The following FAM149B1 variants were observed in gnomAD, a reference collection of about 807,000 sequenced individuals.
FAM149B1 encodes family with sequence similarity 149 member B1.
A neutral mutation model predicts 75.3 loss-of-function variants in FAM149B1; 56 were observed. The ratio of observed to expected loss-of-function variants is 0.74; its 90% CI spans 0.60 to 0.93. FAM149B1 has a LOEUF of 0.93. FAM149B1 is among the 40% of genes least tolerant of loss of function. The pLI, the probability that FAM149B1 is intolerant of heterozygous loss-of-function variation, is 0.00. For synonymous variants in FAM149B1, 259 were observed against 256.1 expected (o/e 1.01, Z -0.11); for missense variants, 639 against 708.4 (o/e 0.90, Z 1.11).
chr10:73,209,561 A>G (rs2043143144), intron 6 of FAM149B1, among the ~76,000 whole-genome samples: 1 of 152,246 alleles, frequency 6.6e-6, no homozygotes, highest in South Asian at 2.1e-4. Flanking sequence ...TATTCTAACT[A>G]TATTCTAACA....
chr10:73,189,241 T>A (rs1213867961), intron 3 of FAM149B1, among the ~76,000 whole-genome samples: 2 of 152,136 alleles, frequency 1.3e-5, no homozygotes, highest in Non-Finnish European at 2.9e-5. Context: ...AGACTGACAA[T>A]ACCTAGTACT....
At chr10:73,196,261 T>C (rs1346711529) in intron 5 of FAM149B1, among the ~76,000 whole-genome samples, 1 of 152,106 alleles carries the variant, frequency 6.6e-6, no homozygotes, top group African/African-American at 2.4e-5. Flanking sequence ...TACAGTAGTA[T>C]TAAAGAACCA....
chr10:73,231,797 G>C (rs115110232), intron 9 of FAM149B1, among the ~76,000 whole-genome samples: 156 of 152,204 alleles, frequency 1.0e-3, no homozygotes, highest in African/African-American at 3.6e-3. Context: ...GTCGGATCTA[G>C]AGACCAATCT....
intron 7 of FAM149B1, among the ~76,000 whole-genome samples, chr10:73,216,042 T>A (rs1564704693): frequency 6.6e-6 from 1 of 152,236 alleles, no homozygotes; most frequent in African/African-American, 2.4e-5. Context: ...TGCTCTTTCT[T>A]TAGGTCTAAT....
At chr10:73,238,256 A>C (rs2043867089) in intron 12 of FAM149B1, among the ~76,000 whole-genome samples, 1 of 152,150 alleles carries the variant, frequency 6.6e-6, no homozygotes, top group Non-Finnish European at 1.5e-5. Context: ...CTAAGGCAGG[A>C]GAATTGCTTG....
At chr10:73,240,443 T>C (rs1313062696) in intron 13 of FAM149B1, among the ~76,000 whole-genome samples, 1 of 152,202 alleles carries the variant, frequency 6.6e-6, no homozygotes, top group Admixed American at 6.5e-5. Flanking sequence ...CTGGGCGTGG[T>C]GGCTCATGCC....
chr10:73,173,505 A>G (rs928529979), intron 1 of FAM149B1, among the ~76,000 whole-genome samples: 2 of 152,212 alleles, frequency 1.3e-5, no homozygotes, highest in African/African-American at 4.8e-5. Context: ...TCTTGTCTCC[A>G]TCCCTGGCAA....
At chr10:73,210,198 A>G in intron 6 of FAM149B1, 53 bp from the exon 7 acceptor site, 1 of 1,281,948 alleles carries the variant, frequency 7.8e-7, no homozygotes, top group Non-Finnish European at 1.1e-6. Flanking sequence ...AATTTTAGAA[A>G]GGCAGCCTTC....
In FAM149B1 at chr10:73,239,348, T is replaced by C; in HGVS notation, c.1639T>C (p.Tyr547His). The change falls in exon 13 of 14, where the codon TAT becomes CAT. Residue 547 changes from tyrosine (Y) to histidine (H), a missense_variant. Physicochemically the swap from Tyr to His is moderately conservative, Grantham distance 83 (BLOSUM62 2). Transcript: ENST00000242505. ...GTATCGTCGCTCATGTGCAGTTGAG[T>C]ATCCTCATCAGGCCCGACCTGGCAG... ...TQYRRSCAVE[Y>H]PHQARPGRGS... 1 of 1,551,702 alleles carries C rather than the reference T, an allele frequency of 6.4e-7. No homozygotes were observed.
At chr10:73,225,911 C>T (rs2043531381) in intron 7 of FAM149B1, among the ~76,000 whole-genome samples, 1 of 152,146 alleles carries the variant, frequency 6.6e-6, no homozygotes, top group African/African-American at 2.4e-5. Context: ...GCTGTACAGG[C>T]CTGTGCCTAG....
At chr10:73,199,144 T>C (rs1189913330) in intron 5 of FAM149B1, among the ~76,000 whole-genome samples, 1 of 152,170 alleles carries the variant, frequency 6.6e-6, no homozygotes, top group Non-Finnish European at 1.5e-5. Context: ...TATTTAAATA[T>C]AACTATAACT....
Position 73,228,153 on chromosome 10 carries a change from A to T in FAM149B1, c.992A>T (p.Gln331Leu). 6.4e-7 allele frequency: 1 copy of T among 1,551,642 alleles called. No individual in the cohort carries two copies. The highest frequency in any genetic ancestry group is 1.2e-5 in the South Asian group (1 of 84,064). ...LHPLVLPRVP[Q>L]SKVLYITSNP... ...CCTTTGGTGTTACCGCGAGTGCCAC[A>T]GTCTAAGGTGCTGTACATTACCTCA... Residue 331 changes from glutamine (Q) to leucine (L), a missense_variant, in exon 8 of 14, where the codon CAG (glutamine) becomes CTG (leucine). Transcript: ENST00000242505.
chr10:73,221,287 A>T (rs1009208497), intron 7 of FAM149B1, among the ~76,000 whole-genome samples: 25 of 152,300 alleles, frequency 1.6e-4, no homozygotes, highest in Middle Eastern at 3.4e-3. Flanking sequence ...TCTTATTTTT[A>T]AAAAAATTTT....
chr10:73,236,847 C>G lies in FAM149B1; in HGVS notation c.1602+1529C>G, dbSNP rs149299830. Reference sequence around the variant, plus strand: ...CATCTCACCTCAGCCTCCTGAGTAGCTGGGACTACAGGCACATGCCACCAT... The same window carrying G: ...CATCTCACCTCAGCCTCCTGAGTAGGTGGGACTACAGGCACATGCCACCAT... On this transcript the variant is annotated intron_variant, in intron 12 of 13. Coordinates refer to ENST00000242505, the MANE Select transcript of FAM149B1 (RefSeq NM_173348.2). Among the ~76,000 whole-genome samples the G allele has an allele frequency of 2.2e-3, 329 of 151,974 alleles. 2 individuals carry two copies. Among genetic ancestry groups the G allele is most frequent in the African/African-American group, 7.6e-3 (314 of 41,430 alleles).
At chr10:73,191,538 A>G (rs1199045750) in intron 3 of FAM149B1, among the ~76,000 whole-genome samples, 1 of 151,956 alleles carries the variant, frequency 6.6e-6, no homozygotes, top group Non-Finnish European at 1.5e-5. Context: ...GGGTTTCATC[A>G]TGTAGGCCAG....
rs61637075 is a variant in FAM149B1 at position 73,228,720 on chromosome 10, CCT to C, written c.1023+537_1023+538del. On this transcript the variant is annotated intron_variant, in intron 8 of 13. Transcript: ENST00000242505. ...TCAACCAGTTCTTGTGCCTCAGCCCCCTGAGTACCTGGGATTACAGATGTGCA... is the reference window on the plus strand; with the variant it reads ...TCAACCAGTTCTTGTGCCTCAGCCCCGAGTACCTGGGATTACAGATGTGCA... Among the ~76,000 whole-genome samples the C allele has an allele frequency of 6.2e-3, 939 of 152,242 alleles. 8 individuals carry two copies. The highest frequency in any genetic ancestry group is 0.021 in the African/African-American group (860 of 41,532).
At chr10:73,222,123 T>A (rs910686959) in intron 7 of FAM149B1, among the ~76,000 whole-genome samples, 4 of 152,246 alleles carry the variant, frequency 2.6e-5, no homozygotes, top group African/African-American at 9.6e-5. Context: ...TGATTAGATT[T>A]CATACATTGT....
intron 7 of FAM149B1, 143 bp from the exon 8 acceptor site, chr10:73,227,917 T>C (rs2043591156): frequency 3.5e-6 from 3 of 868,150 alleles, no homozygotes; most frequent in Non-Finnish European, 5.4e-6. Flanking sequence ...TTTTGAACCA[T>C]GCAGGTGGCA....
At chr10:73,203,880 A>G (rs542586505) in intron 5 of FAM149B1, among the ~76,000 whole-genome samples, 7 of 152,068 alleles carry the variant, frequency 4.6e-5, no homozygotes, top group Admixed American at 3.9e-4. Context: ...GGCTCAAGCA[A>G]TCCACTTGCC....
Sources: allele counts gnomAD v4.1 joint callset (sites outside exome capture counted in the v4.1 genomes callset), GRCh38; gene constraint gnomAD v4.1.1; transcripts MANE v1.5; gene names NCBI Gene and HGNC (gene_info 2026-07-23, HGNC 2026-07-21).